Variants in NEGR1 observed in about 807,000 individuals in gnomAD.
NEGR1 encodes IgLON family member 4.
Under a neutral mutation model 40.9 loss-of-function variants are expected in NEGR1, and 10 were observed. The observed-to-expected ratio is 0.24, with a 90% confidence interval of 0.15 to 0.42. The LOEUF (loss-of-function observed/expected upper bound fraction) is 0.42, where lower values mean the gene tolerates loss of function less well. Among genes scored for constraint, NEGR1 ranks in the 10% least tolerant of loss-of-function variants. NEGR1 has a pLI of 1.00. For missense variants in NEGR1, 352 were observed against 438.9 expected (o/e 0.80, Z 1.77); for synonymous variants, 185 against 166.8 (o/e 1.11, Z -0.84).
intron 6 of NEGR1, among the ~76,000 whole-genome samples, chr1:71,532,711 CA>C (rs1203868397): frequency 6.6e-6 from 1 of 151,522 alleles, no homozygotes; most frequent in Non-Finnish European, 1.5e-5. Context: ...AACAGGAGGA[CA>C]TATCACAGAT....
rs539540801 is a variant in NEGR1, at chr1:71,933,033, A to G, written c.409+2046T>C. 7.9e-5 allele frequency among the ~76,000 whole-genome samples: 12 copies of G among 152,248 alleles called. No homozygotes were observed. In the South Asian group the frequency reaches 2.5e-3, roughly 32 times the overall value. ...TGTTCATAAATACTGTAAAATTATT[A>G]GCTTTTAATTTTATCCAATCTTATA... On this transcript the variant is annotated intron_variant, in intron 2 of 6. Coordinates refer to ENST00000357731, the MANE Select transcript of NEGR1 (RefSeq NM_173808.3).
chr1:72,255,102 C>T (rs1055138763), intron 1 of NEGR1, among the ~76,000 whole-genome samples: 1 of 152,158 alleles, frequency 6.6e-6, no homozygotes, highest in Non-Finnish European at 1.5e-5. Context: ...TGGTTCATCA[C>T]TATTAGCATG....
At chr1:71,695,996 G>T (rs1044020329) in intron 4 of NEGR1, among the ~76,000 whole-genome samples, 1 of 151,568 alleles carries the variant, frequency 6.6e-6, no homozygotes, top group Non-Finnish European at 1.5e-5. Flanking sequence ...GTAGTAACTG[G>T]GTCTTAAGGA....
chr1:72,096,515 T>C (rs1048985901), intron 1 of NEGR1, among the ~76,000 whole-genome samples: 8 of 151,930 alleles, frequency 5.3e-5, no homozygotes, highest in African/African-American at 1.7e-4. Context: ...TACTTTTGTA[T>C]ATAGATCAGA....
intron 3 of NEGR1, among the ~76,000 whole-genome samples, chr1:71,723,657 A>G (rs1033885220): frequency 6.6e-6 from 1 of 151,980 alleles, no homozygotes; most frequent in Non-Finnish European, 1.5e-5. Context: ...CCATCTCACT[A>G]TTCACTTGTA....
chr1:72,117,118 C>A (rs1649612619), intron 1 of NEGR1, among the ~76,000 whole-genome samples: 1 of 151,710 alleles, frequency 6.6e-6, no homozygotes, highest in South Asian at 2.1e-4. Context: ...TTGGCTTCAT[C>A]TCTATCATAT....
chr1:71,405,588 T>A lies in NEGR1; in HGVS notation c.*1858A>T, dbSNP rs1251721189. Reference sequence around the variant, plus strand: ...GATTTACTAGCTTTATGCCTTATTATTGCCATTTTGTGGAAAGAGTATACT... The same window carrying A: ...GATTTACTAGCTTTATGCCTTATTAATGCCATTTTGTGGAAAGAGTATACT... On this transcript the variant is annotated 3_prime_UTR_variant, in exon 7 of 7. Coordinates refer to ENST00000357731, the MANE Select transcript of NEGR1 (RefSeq NM_173808.3). The A allele has an allele frequency of 6.6e-6, 1 of 152,054 alleles. No individual in the cohort carries two copies. The highest frequency in any genetic ancestry group is 1.5e-5 in the Non-Finnish European group (1 of 67,756). The allele number at this position is 152,054 out of a possible 1,614,324, so 9.4% of individuals were successfully genotyped here. A position where few individuals can be genotyped will look rare whatever the true frequency, so the allele number is the denominator to read the frequency against.
intron 2 of NEGR1, among the ~76,000 whole-genome samples, chr1:71,857,224 C>T (rs1040959880): frequency 4.0e-5 from 6 of 151,582 alleles, no homozygotes; most frequent in Admixed American, 2.0e-4. Flanking sequence ...GGGAAGAGTC[C>T]TATGTTAGAA....
intron 3 of NEGR1, among the ~76,000 whole-genome samples, chr1:71,705,907 A>G (rs1653879721): frequency 3.3e-5 from 5 of 151,418 alleles, no homozygotes. Context: ...AGAAGGCAAG[A>G]GCAGACCAAG....
intron 2 of NEGR1, among the ~76,000 whole-genome samples, chr1:71,897,377 G>A (rs1661002724): frequency 6.6e-6 from 1 of 152,138 alleles, no homozygotes; most frequent in Non-Finnish European, 1.5e-5. Context: ...TTCCTGCTGT[G>A]TAGCTAGTTA....
chr1:71,484,512 A>T (rs1198050936), intron 6 of NEGR1, among the ~76,000 whole-genome samples: 2 of 151,828 alleles, frequency 1.3e-5, no homozygotes, highest in Non-Finnish European at 2.9e-5. Context: ...AAATGAGATT[A>T]TCCCCTTAGA....
At chr1:71,629,699 T>C (rs905365482) in intron 4 of NEGR1, among the ~76,000 whole-genome samples, 50 of 152,120 alleles carry the variant, frequency 3.3e-4, no homozygotes, top group African/African-American at 1.2e-3. Context: ...CATGATTGTA[T>C]GTGTAGAAAA....
intron 5 of NEGR1, among the ~76,000 whole-genome samples, chr1:71,595,169 C>T (rs1351597049): frequency 6.6e-6 from 1 of 152,152 alleles, no homozygotes; most frequent in Non-Finnish European, 1.5e-5. Context: ...ATGTGTGGGC[C>T]CATTTTGGGC....
At chr1:72,009,621 A>G (rs1455694398) in intron 1 of NEGR1, among the ~76,000 whole-genome samples, 3 of 152,102 alleles carry the variant, frequency 2.0e-5, no homozygotes, top group Non-Finnish European at 4.4e-5. Flanking sequence ...AGGGCAGGAC[A>G]TATGTGACAG....
chr1:71,895,436 A>T (rs1422295768), intron 2 of NEGR1, among the ~76,000 whole-genome samples: 1 of 152,168 alleles, frequency 6.6e-6, no homozygotes, highest in Non-Finnish European at 1.5e-5. Flanking sequence ...TGCCATTCCC[A>T]TTAGTACCTA....
intron 2 of NEGR1, among the ~76,000 whole-genome samples, chr1:71,815,274 T>C (rs771882171): frequency 2.0e-5 from 3 of 152,084 alleles, no homozygotes; most frequent in Non-Finnish European, 2.9e-5. Context: ...TGAGAAACTG[T>C]TAGTTGTGAT....
At chr1:72,016,469 A>G (rs554735111) in intron 1 of NEGR1, among the ~76,000 whole-genome samples, 5 of 152,214 alleles carry the variant, frequency 3.3e-5, no homozygotes, top group Non-Finnish European at 7.3e-5. Flanking sequence ...CTGCCTCACA[A>G]CATTAAAAGG....
At chr1:72,142,829 C>T (rs538141956) in intron 1 of NEGR1, among the ~76,000 whole-genome samples, 2 of 151,632 alleles carry the variant, frequency 1.3e-5, no homozygotes, top group East Asian at 3.9e-4. Flanking sequence ...ATGATGATCC[C>T]TAGAAAGAAA....
chr1:72,165,605 C>A (rs1570067245), intron 1 of NEGR1, among the ~76,000 whole-genome samples: 1 of 152,098 alleles, frequency 6.6e-6, no homozygotes, highest in East Asian at 1.9e-4. Flanking sequence ...CATACTCTTT[C>A]CTTCTCCCTT....
Sources: allele counts gnomAD v4.1 joint callset (sites outside exome capture counted in the v4.1 genomes callset), GRCh38; gene constraint gnomAD v4.1.1; transcripts MANE v1.5; gene names NCBI Gene and HGNC (gene_info 2026-07-23, HGNC 2026-07-21).